Variants in GABRA2 observed in about 807,000 individuals in gnomAD.
The protein encoded by GABRA2 is gamma-aminobutyric acid receptor subunit alpha-2.
Under a neutral mutation model 48.7 loss-of-function variants are expected in GABRA2, and 16 were observed. The ratio of observed to expected loss-of-function variants is 0.33; its 90% CI spans 0.22 to 0.50. The LOEUF (loss-of-function observed/expected upper bound fraction) is 0.50, where lower values mean the gene tolerates loss of function less well. GABRA2 is among the 20% of genes least tolerant of loss of function. The pLI, the probability that GABRA2 is intolerant of heterozygous loss-of-function variation, is 0.98. For missense variants in GABRA2, 275 were observed against 535.6 expected, an observed-to-expected ratio of 0.51 and a Z score of 4.80; for synonymous variants, 185 against 184.5, an observed-to-expected ratio of 1.00 and a Z score of -0.02.
intron 4 of GABRA2, among the ~76,000 whole-genome samples, chr4:46,322,204 A>G (rs1729570632): frequency 6.6e-6 from 1 of 152,008 alleles, no homozygotes. Context: ...AGGACAGAAC[A>G]TCTAGATGGC....
intron 3 of GABRA2, among the ~76,000 whole-genome samples, chr4:46,335,969 T>C (rs1431751067): frequency 6.6e-6 from 1 of 152,158 alleles, no homozygotes; most frequent in Non-Finnish European, 1.5e-5. Context: ...TGACACTTTC[T>C]TTTTATGGGA....
intron 3 of GABRA2, among the ~76,000 whole-genome samples, chr4:46,382,956 A>G (rs578077385): frequency 6.6e-6 from 1 of 152,314 alleles, no homozygotes; most frequent in South Asian, 2.1e-4. Context: ...AATCAAATTG[A>G]GCCCATTTTT....
At chr4:46,294,590 T>G (rs1411888569) in intron 8 of GABRA2, among the ~76,000 whole-genome samples, 1 of 152,184 alleles carries the variant, frequency 6.6e-6, no homozygotes, top group African/African-American at 2.4e-5. Context: ...CTCTGCCACT[T>G]GGGCCATATG....
intron 3 of GABRA2, among the ~76,000 whole-genome samples, chr4:46,385,491 T>A (rs1717325169): frequency 6.6e-6 from 1 of 152,058 alleles, no homozygotes; most frequent in Non-Finnish European, 1.5e-5. Context: ...GAAATCAAAC[T>A]GTGCCACAAT....
intron 4 of GABRA2, among the ~76,000 whole-genome samples, chr4:46,322,587 C>T (rs1729642560): frequency 1.3e-5 from 2 of 151,992 alleles, no homozygotes; most frequent in Admixed American, 6.6e-5. Context: ...CTTCTCTATC[C>T]CCTCCCTATA....
At chr4:46,371,572 C>A (rs1714897371) in intron 3 of GABRA2, among the ~76,000 whole-genome samples, 1 of 150,518 alleles carries the variant, frequency 6.6e-6, no homozygotes, top group African/African-American at 2.5e-5. Flanking sequence ...TTAATTTTTT[C>A]TACATACCAT....
intron 6 of GABRA2, among the ~76,000 whole-genome samples, chr4:46,308,669 CTTTA>C (rs1362516665): frequency 1.3e-5 from 2 of 152,188 alleles, no homozygotes; most frequent in African/African-American, 4.8e-5. Context: ...TAGCAGCAAA[CTTTA>C]TTTGTTGCTC....
intron 3 of GABRA2, chr4:46,369,054 A>T: frequency 1.4e-6 from 1 of 693,188 alleles, no homozygotes; most frequent in Non-Finnish European, 2.6e-6. Flanking sequence ...ATAATTACAT[A>T]ATCAAATCTA....
chr4:46,348,915 TA>T (rs1419589866), intron 3 of GABRA2, among the ~76,000 whole-genome samples: 3 of 134,668 alleles, frequency 2.2e-5, no homozygotes, highest in Non-Finnish European at 4.7e-5. Context: ...CCCTAAAACT[TA>T]AAGTATAATA....
chr4:46,328,616 A>G (rs970293191), intron 4 of GABRA2, among the ~76,000 whole-genome samples: 1 of 151,916 alleles, frequency 6.6e-6, no homozygotes, highest in African/African-American at 2.4e-5. Context: ...TTCCCTTCCC[A>G]TCATGATAAC....
intron 3 of GABRA2, among the ~76,000 whole-genome samples, chr4:46,343,127 C>A (rs1352736433): frequency 6.6e-6 from 1 of 151,932 alleles, no homozygotes; most frequent in Admixed American, 6.6e-5. Context: ...CCCTCCATCC[C>A]CAATACTTTA....
chr4:46,336,484 G>T (rs571681705), intron 3 of GABRA2, among the ~76,000 whole-genome samples: 1 of 152,240 alleles, frequency 6.6e-6, no homozygotes, highest in African/African-American at 2.4e-5. Context: ...TTTACCATTA[G>T]CAGAAATATC....
chr4:46,378,893 G>A (rs1479698984), intron 3 of GABRA2, among the ~76,000 whole-genome samples: 2 of 151,494 alleles, frequency 1.3e-5, no homozygotes, highest in East Asian at 3.9e-4. Context: ...CTTGAATTTT[G>A]CCTGACACTT....
chr4:46,287,706 C>G (rs1722826339), intron 8 of GABRA2, among the ~76,000 whole-genome samples: 1 of 150,764 alleles, frequency 6.6e-6, no homozygotes, highest in African/African-American at 2.4e-5. Flanking sequence ...GTGCAGCGCA[C>G]CAGCATGGCA....
At chr4:46,311,187 G>C (rs991803327) in intron 5 of GABRA2, among the ~76,000 whole-genome samples, 1 of 152,168 alleles carries the variant, frequency 6.6e-6, no homozygotes, top group Non-Finnish European at 1.5e-5. Flanking sequence ...CATTGCATCT[G>C]AATATATTGC....
Position 46,312,734 on chromosome 4 carries a change from AT to A in GABRA2, c.256-19del. ...GTATATTCCTGAAATAAAAAATAGAATTTTTTTGAAAATAGTAAATGTTGTA... is the reference window on the plus strand; with the variant it reads ...GTATATTCCTGAAATAAAAAATAGAATTTTTTGAAAATAGTAAATGTTGTA... On this transcript the variant is annotated intron_variant, in intron 4 of 9. Transcript: ENST00000381620. 11 of 1,331,568 alleles carry A rather than the reference AT, an allele frequency of 8.3e-6. No homozygotes were observed. The highest frequency in any genetic ancestry group is 2.7e-5 in the South Asian group (2 of 73,860). 82.5% of individuals were successfully genotyped at this position (1,331,568 alleles called of 1,614,324 possible). A position where few individuals can be genotyped will look rare whatever the true frequency, so the allele number is the denominator to read the frequency against.
intron 3 of GABRA2, among the ~76,000 whole-genome samples, chr4:46,377,326 T>G (rs1413698611): frequency 6.7e-6 from 1 of 150,030 alleles, no homozygotes; most frequent in Non-Finnish European, 1.5e-5. Flanking sequence ...ATCTGGGAAG[T>G]GAGGAGCGTC....
chr4:46,380,615 GA>G (rs575195701), intron 3 of GABRA2, among the ~76,000 whole-genome samples: 80 of 152,240 alleles, frequency 5.3e-4, no homozygotes, highest in African/African-American at 1.8e-3. Flanking sequence ...TACAAATAAA[GA>G]AACTGAAGCA....
intron 3 of GABRA2, among the ~76,000 whole-genome samples, chr4:46,339,511 TC>T (rs1732847118): frequency 6.6e-6 from 1 of 151,940 alleles, no homozygotes; most frequent in Non-Finnish European, 1.5e-5. Context: ...TAGTTCACAG[TC>T]ATTTAAAGTA....
Sources: gnomAD v4.1 joint callset for allele counts (sites outside exome capture counted in the v4.1 genomes callset) on GRCh38, gnomAD v4.1.1 for gene constraint, MANE v1.5 for transcripts, NCBI Gene and HGNC (gene_info 2026-07-23, HGNC 2026-07-21) for gene names.